FAM131C: variants seen among roughly 807,000 people sequenced by gnomAD.
FAM131C encodes family with sequence similarity 131 member C.
FAM131C carries 14 observed loss-of-function variants against 29.8 expected under a neutral mutation model. That is an observed-to-expected ratio of 0.47 (90% CI 0.31 to 0.73). FAM131C has a LOEUF of 0.73. Among genes scored for constraint, FAM131C ranks in the 30% least tolerant of loss-of-function variants. The probability of loss-of-function intolerance (pLI) is 0.05; values close to 1 mark genes in which losing one functional copy is unlikely to be tolerated. For missense variants in FAM131C, 252 were observed against 383.8 expected, an observed-to-expected ratio of 0.66 and a Z score of 2.87; for synonymous variants, 86 against 157.8, an observed-to-expected ratio of 0.54 and a Z score of 3.41.
intron 1 of FAM131C, among the ~76,000 whole-genome samples, chr1:16,070,590 G>C (rs573077631): frequency 1.3e-5 from 2 of 152,298 alleles, no homozygotes; most frequent in African/African-American, 4.8e-5. Context: ...CCAGGAGTTC[G>C]AGATAAGCCT....
intron 2 of FAM131C, 133 bp from the exon 3 acceptor site, chr1:16,062,667 C>T (rs866947880): frequency 1.5e-6 from 2 of 1,333,006 alleles, no homozygotes; most frequent in Middle Eastern, 2.7e-4. Context: ...GGTCTGCCCT[C>T]TCATGGGTCA....
At position 16,058,391 on chromosome 1, in the gene FAM131C, G is replaced by C; in HGVS notation, c.*46C>G. 1 of 1,431,818 alleles carries C rather than the reference G, an allele frequency of 7.0e-7. No homozygotes were observed. Among genetic ancestry groups the C allele is most frequent in the Non-Finnish European group, 9.2e-7 (1 of 1,086,506 alleles). The allele number at this position is 1,431,818 out of a possible 1,614,324, so 88.7% of individuals were successfully genotyped here. A position where few individuals can be genotyped will look rare whatever the true frequency, so the allele number is the denominator to read the frequency against. On this transcript the variant is annotated 3_prime_UTR_variant, in exon 7 of 7. Coordinates refer to ENST00000375662, the MANE Select transcript of FAM131C (RefSeq NM_182623.3). ...CAGATATGCCTGGGCTGCCCACCAG[G>C]CGAGGTCATGGTGAGAGCAGGTGCT... is the stretch of plus-strand genomic sequence containing the variant.
At chr1:16,067,126 C>G (rs2023692457) in intron 1 of FAM131C, among the ~76,000 whole-genome samples, 1 of 152,164 alleles carries the variant, frequency 6.6e-6, no homozygotes, top group Non-Finnish European at 1.5e-5. Context: ...GGACTCCTGG[C>G]TCCCACCCCC....
In FAM131C at chr1:16,061,943, C is replaced by T. The variant is rs1475752477; in HGVS notation, c.268+156G>A. ...CTGAGCCACTGGTCCCCCCGTGACC[C>T]GCATAACCCAGCATGGACTCTGGCA... On this transcript the variant is annotated intron_variant, in intron 4 of 6. Transcript: ENST00000375662. Among the ~76,000 whole-genome samples the T allele has an allele frequency of 2.0e-5, 3 of 151,324 alleles. 1 individual carries two copies. Among genetic ancestry groups the T allele is most frequent in the South Asian group, 4.3e-4 (2 of 4,702 alleles).
chr1:16,063,475 G>A (rs763699233), intron 2 of FAM131C, 46 bp downstream of exon 2: 29 of 1,456,878 alleles, frequency 2.0e-5, no homozygotes, highest in Middle Eastern at 2.0e-4. Context: ...GAGACAGGCC[G>A]GGAACCGGGG....
chr1:16,059,507 G>A lies in FAM131C; in HGVS notation c.549C>T (p.Ile183=), dbSNP rs748143203. 24 of 1,610,652 alleles carry A rather than the reference G, an allele frequency of 1.5e-5. No homozygotes were observed. The highest frequency in any genetic ancestry group is 2.7e-5 in the African/African-American group (2 of 74,800). ...TCTGGGCTGTACCTTGGAGCTGGACGATGCCTTGGGGGCTGTTCTCGGGGT... is the reference window on the plus strand; with the variant it reads ...TCTGGGCTGTACCTTGGAGCTGGACAATGCCTTGGGGGCTGTTCTCGGGGT... ...ELHPENSPQG[I]VQLQDLESIY... Residue 183 remains isoleucine, a synonymous_variant, in exon 6 of 7, where the codon ATC becomes ATT. Transcript: ENST00000375662.
At chr1:16,070,471 C>T (rs1174506253) in intron 1 of FAM131C, among the ~76,000 whole-genome samples, 2 of 152,094 alleles carry the variant, frequency 1.3e-5, no homozygotes, top group Non-Finnish European at 2.9e-5. Flanking sequence ...CATGAAGGCC[C>T]ACATTAGCTG....
chr1:16,068,534 G>A (rs10803419), intron 1 of FAM131C, among the ~76,000 whole-genome samples: 9 of 152,080 alleles, frequency 5.9e-5, no homozygotes, highest in Non-Finnish European at 1.2e-4. Flanking sequence ...GTCCTTGGCC[G>A]CTCTGCCTGT....
intron 1 of FAM131C, among the ~76,000 whole-genome samples, chr1:16,065,850 C>T (rs1221060913): frequency 3.9e-5 from 6 of 152,144 alleles, no homozygotes; most frequent in Non-Finnish European, 8.8e-5. Flanking sequence ...ATTTCAGGGG[C>T]AGCTGGCAGG....
Position 16,058,773 on chromosome 1 carries a change from TC to T in FAM131C, c.563-57del, listed in dbSNP as rs2023537256. 2.1e-6 allele frequency: 3 copies of T among 1,427,996 alleles called. 1 individual carries two copies. 88.5% of individuals were successfully genotyped at this position (1,427,996 alleles called of 1,614,324 possible). A position where few individuals can be genotyped will look rare whatever the true frequency, so the allele number is the denominator to read the frequency against. ...GCGTCCCAGATCCAGCTCCTCGCCC[TC>T]TCTGGGGGTGTGAGAAAGGGCAAGG... is the stretch of plus-strand genomic sequence containing the variant. On this transcript the variant is annotated intron_variant, in intron 6 of 6. Transcript: ENST00000375662.
At chr1:16,069,338 T>C (rs1383692968) in intron 1 of FAM131C, among the ~76,000 whole-genome samples, 2 of 152,204 alleles carry the variant, frequency 1.3e-5, no homozygotes, top group Admixed American at 1.3e-4. Context: ...CACCTACCCT[T>C]TCCTCAGTGC....
chr1:16,068,902 G>A (rs1175617752), intron 1 of FAM131C, among the ~76,000 whole-genome samples: 2 of 152,186 alleles, frequency 1.3e-5, no homozygotes, highest in Non-Finnish European at 2.9e-5. Context: ...TACCTCACCT[G>A]TGGTCCTAAT....
rs1342262021 is a variant in FAM131C, at chr1:16,064,994, C to T, written c.23-1358G>A. ...GGCTCCTCCCTGGCTCACCCCTGCC[C>T]GTTGGCTGGCACACTTCTGTCCTGG... On this transcript the variant is annotated intron_variant, in intron 1 of 6. Transcript: ENST00000375662. Among the ~76,000 whole-genome samples the T allele has an allele frequency of 5.3e-5, 8 of 152,186 alleles. No homozygotes were observed. In the South Asian group the frequency reaches 1.2e-3, roughly 24 times the overall value.
At chr1:16,066,762 G>A (rs1242602790) in intron 1 of FAM131C, among the ~76,000 whole-genome samples, 2 of 152,302 alleles carry the variant, frequency 1.3e-5, no homozygotes, top group African/African-American at 4.8e-5. Flanking sequence ...TTCTCTGTGT[G>A]TATTCTGGGT....
chr1:16,065,444 T>C (rs1289843442), intron 1 of FAM131C, among the ~76,000 whole-genome samples: 1 of 152,194 alleles, frequency 6.6e-6, no homozygotes, highest in East Asian at 1.9e-4. Flanking sequence ...GACTTAATGC[T>C]CTAGGCCAGA....
chr1:16,062,409 A>T (rs2902491), intron 3 of FAM131C, 90 bp downstream of exon 3: 363,971 of 914,078 alleles, frequency 0.4, 51,223 homozygotes, highest in Middle Eastern at 0.48. Flanking sequence ...CAGGGCCAGC[A>T]GGACTGTGTG....
chr1:16,063,625 T>C lies in FAM131C; in HGVS notation c.34A>G (p.Ser12Gly), dbSNP rs1332900490. The C allele has an allele frequency of 1.2e-6, 2 of 1,609,776 alleles. No homozygotes were observed. Among genetic ancestry groups the C allele is most frequent in the Non-Finnish European group, 1.7e-6 (2 of 1,177,552 alleles). ...GSCVSRDLFT[S>G]AHKNCPMPQG... ...GGCATGGGGCAGTTCTTGTGGGCAC[T>C]TGTGAACAGGTCTGGAAATAAGAGC... Residue 12 changes from serine to glycine, a missense_variant, in exon 2 of 7, where the codon AGT becomes GGT. Coordinates refer to ENST00000375662, the MANE Select transcript of FAM131C (RefSeq NM_182623.3).
intron 1 of FAM131C, among the ~76,000 whole-genome samples, chr1:16,064,242 C>A (rs114608057): frequency 6.6e-6 from 1 of 152,194 alleles, no homozygotes; most frequent in Non-Finnish European, 1.5e-5. Context: ...AAACACACCC[C>A]CTCCCCTACC....
intron 1 of FAM131C, among the ~76,000 whole-genome samples, chr1:16,070,331 C>T (rs1257600015): frequency 6.6e-6 from 1 of 152,232 alleles, no homozygotes; most frequent in African/African-American, 2.4e-5. Context: ...CTCCTGGAAA[C>T]AGCATTTGTT....
Sources: allele counts gnomAD v4.1 joint callset (sites outside exome capture counted in the v4.1 genomes callset), GRCh38; gene constraint gnomAD v4.1.1; transcripts MANE v1.5; gene names NCBI Gene and HGNC (gene_info 2026-07-23, HGNC 2026-07-21).